ECHDC1: variants seen among roughly 807,000 people sequenced by gnomAD.
The protein encoded by ECHDC1 is ethylmalonyl-CoA decarboxylase 1.
Under a neutral mutation model 29.7 loss-of-function variants are expected in ECHDC1, and 29 were observed. The ratio of observed to expected loss-of-function variants is 0.98; its 90% CI spans 0.73 to 1.33. The LOEUF is 1.33. ECHDC1 is among the 40% of genes most tolerant of loss of function. ECHDC1 has a pLI of 0.00. For missense variants in ECHDC1, 328 were observed against 350.0 expected, an observed-to-expected ratio of 0.94 and a Z score of 0.50; for synonymous variants, 126 against 123.1, an observed-to-expected ratio of 1.02 and a Z score of -0.15.
At chr6:127,328,636 T>C (rs1170205846) in intron 2 of ECHDC1, among the ~76,000 whole-genome samples, 1 of 152,220 alleles carries the variant, frequency 6.6e-6, no homozygotes, top group Non-Finnish European at 1.5e-5. Flanking sequence ...TCAAGTGATA[T>C]ATAGTCTAGT....
intron 5 of ECHDC1, among the ~76,000 whole-genome samples, chr6:127,314,232 T>A (rs1039970690): frequency 2.6e-5 from 4 of 152,206 alleles, no homozygotes; most frequent in Admixed American, 2.6e-4. Flanking sequence ...GTCTAAAGCA[T>A]TAGATTTTAT....
chr6:127,309,743 A>G (rs567492130), intron 5 of ECHDC1, among the ~76,000 whole-genome samples: 19 of 152,334 alleles, frequency 1.2e-4, no homozygotes, highest in African/African-American at 4.6e-4. Flanking sequence ...AGTTCCACAG[A>G]TTGTATGGGA....
intron 5 of ECHDC1, among the ~76,000 whole-genome samples, chr6:127,292,005 A>G (rs1005761056): frequency 1.3e-5 from 2 of 152,132 alleles, no homozygotes; most frequent in African/African-American, 2.4e-5. Context: ...TGTTAAAACA[A>G]TATCAAAAGG....
chr6:127,316,314 C>CA, intron 4 of ECHDC1, 136 bp downstream of exon 4: 1 of 687,050 alleles, frequency 1.5e-6, no homozygotes, highest in South Asian at 2.0e-5. Context: ...CTCTACGGCA[C>CA]AAAAAAATAG....
At chr6:127,319,129 A>G (rs1706843196) in intron 3 of ECHDC1, among the ~76,000 whole-genome samples, 1 of 152,228 alleles carries the variant, frequency 6.6e-6, no homozygotes, top group Non-Finnish European at 1.5e-5. Flanking sequence ...ATTTTCATTC[A>G]AAAGACAAAA....
At chr6:127,299,421 ATG>A (rs1022775963) in intron 5 of ECHDC1, among the ~76,000 whole-genome samples, 1 of 151,244 alleles carries the variant, frequency 6.6e-6, no homozygotes, top group African/African-American at 2.4e-5. Context: ...GCCTAGGCTA[ATG>A]TGTGTGTTTG....
At chr6:127,293,772 TTGG>T (rs1285885579) in intron 5 of ECHDC1, among the ~76,000 whole-genome samples, 1 of 152,086 alleles carries the variant, frequency 6.6e-6, no homozygotes, top group Non-Finnish European at 1.5e-5. Flanking sequence ...TACTATTAAG[TTGG>T]TGGTATTGAT....
intron 5 of ECHDC1, among the ~76,000 whole-genome samples, chr6:127,309,681 G>A (rs1200278529): frequency 6.6e-6 from 1 of 152,080 alleles, no homozygotes; most frequent in Non-Finnish European, 1.5e-5. Context: ...CTGCTATTAA[G>A]AACTACTTGA....
intron 5 of ECHDC1, among the ~76,000 whole-genome samples, chr6:127,306,587 T>G (rs1781459009): frequency 6.6e-6 from 1 of 152,206 alleles, no homozygotes; most frequent in Non-Finnish European, 1.5e-5. Flanking sequence ...ATGTAGGACG[T>G]GCCTGCTTCC....
At chr6:127,317,365 T>C (rs78529753) in intron 3 of ECHDC1, among the ~76,000 whole-genome samples, 118 of 152,194 alleles carry the variant, frequency 7.8e-4, no homozygotes, top group Non-Finnish European at 1.4e-3. Flanking sequence ...TCTACTTCCA[T>C]ATAAAGTGCT....
chr6:127,338,316 A>G (rs1784613559), intron 1 of ECHDC1, among the ~76,000 whole-genome samples: 1 of 152,178 alleles, frequency 6.6e-6, no homozygotes. Context: ...ACATAAAGCA[A>G]AAATAACTCA....
intron 5 of ECHDC1, among the ~76,000 whole-genome samples, chr6:127,306,962 AAT>A (rs1251160289): frequency 2.0e-5 from 3 of 152,236 alleles, no homozygotes; most frequent in Non-Finnish European, 4.4e-5. Context: ...AAAAAATTAA[AAT>A]AATAAACATC....
At chr6:127,329,383 T>C (rs1221529490) in intron 2 of ECHDC1, among the ~76,000 whole-genome samples, 1 of 152,148 alleles carries the variant, frequency 6.6e-6, no homozygotes, top group Non-Finnish European at 1.5e-5. Flanking sequence ...ATGTTTCTAA[T>C]TGAATAAAAA....
chr6:127,338,462 G>T (rs1165027394), intron 1 of ECHDC1, among the ~76,000 whole-genome samples: 2 of 151,606 alleles, frequency 1.3e-5, no homozygotes, highest in African/African-American at 4.8e-5. Context: ...TTATCATGTA[G>T]TCTAAGGATT....
chr6:127,329,292 T>G (rs1469857593), intron 2 of ECHDC1, among the ~76,000 whole-genome samples: 4 of 152,154 alleles, frequency 2.6e-5, no homozygotes, highest in Admixed American at 6.5e-5. Context: ...GAGTGCTCAT[T>G]CATCCTCTCC....
chr6:127,325,007 G>A (rs951222775), intron 3 of ECHDC1, among the ~76,000 whole-genome samples: 6 of 152,078 alleles, frequency 3.9e-5, no homozygotes, highest in African/African-American at 1.4e-4. Flanking sequence ...CCAAGGAGTG[G>A]AGTACGGAAA....
chr6:127,298,580 T>C (rs1780799226), intron 5 of ECHDC1, among the ~76,000 whole-genome samples: 2 of 152,046 alleles, frequency 1.3e-5, no homozygotes, highest in Admixed American at 6.6e-5. Flanking sequence ...CAGAGAATCC[T>C]TTATAAATAA....
intron 3 of ECHDC1, among the ~76,000 whole-genome samples, chr6:127,323,629 A>G (rs1783036971): frequency 6.6e-6 from 1 of 152,202 alleles, no homozygotes; most frequent in Non-Finnish European, 1.5e-5. Flanking sequence ...GCCAGAAAGT[A>G]TTGAAACCAG....
Position 127,290,049 on chromosome 6 carries a change from C to T in ECHDC1, c.726G>A (p.Trp242Ter). Residue 242 changes from tryptophan to a stop codon, truncating the protein, a stop_gained, in exon 6 of 6, where the codon TGG becomes TGA. Coordinates refer to ENST00000454859, the MANE Select transcript of ECHDC1 (RefSeq NM_001002030.2). LOFTEE classifies it high-confidence loss of function. ...ETKSLEEAQE[W>*]LKQFIQGPPE... ...GTGGCCCTTGGATGAATTGCTTTAGCCATTCTTGTGCCTCTTCTAGAGATT... is the reference window on the plus strand; with the variant it reads ...GTGGCCCTTGGATGAATTGCTTTAGTCATTCTTGTGCCTCTTCTAGAGATT... 1 of 1,613,676 alleles carries T rather than the reference C, an allele frequency of 6.2e-7. No homozygotes were observed. Among genetic ancestry groups the T allele is most frequent in the Non-Finnish European group, 8.5e-7 (1 of 1,179,742 alleles).
Sources: gnomAD v4.1 joint callset for allele counts (sites outside exome capture counted in the v4.1 genomes callset) on GRCh38, gnomAD v4.1.1 for gene constraint, MANE v1.5 for transcripts, NCBI Gene and HGNC (gene_info 2026-07-23, HGNC 2026-07-21) for gene names.